Variants in LAMA5 observed in about 807,000 individuals in gnomAD.
The protein encoded by LAMA5 is laminin subunit alpha 5, also known as laminin subunit alpha-5.
A neutral mutation model predicts 433.4 loss-of-function variants in LAMA5; 260 were observed. That is an observed-to-expected ratio of 0.60 (90% CI 0.54 to 0.66). The LOEUF (loss-of-function observed/expected upper bound fraction) is 0.66. Among genes scored for constraint, LAMA5 ranks in the 30% least tolerant of loss-of-function variants. LAMA5 has a pLI of 0.00. For missense variants in LAMA5, 5,378 were observed against 5,258.5 expected (o/e 1.02, Z -0.70); for synonymous variants, 2,620 against 2,226.6 (o/e 1.18, Z -4.97).
At chr20:62,312,841 C>A in intron 66 of LAMA5, 47 bp downstream of exon 66, 1 of 1,601,614 alleles carries the variant, frequency 6.2e-7, no homozygotes, top group South Asian at 1.1e-5. Context: ...CCGCCCCCAT[C>A]GTTCCATCTC....
chr20:62,343,418 A>T (rs575274623), intron 11 of LAMA5, among the ~76,000 whole-genome samples: 6 of 152,298 alleles, frequency 3.9e-5, no homozygotes, highest in African/African-American at 1.4e-4. Flanking sequence ...GACACGGAAA[A>T]AAGCTCCCCC....
rs754916055 is a variant in LAMA5 at position 62,353,263 on chromosome 20, G to A, written c.451-12C>T. 1 of 1,577,372 alleles carries A rather than the reference G, an allele frequency of 6.3e-7. No homozygotes were observed. The highest frequency in any genetic ancestry group is 2.3e-5 in the East Asian group (1 of 43,766). On this transcript the variant is annotated splice_polypyrimidine_tract_variant and intron_variant, in intron 2 of 79. Coordinates refer to ENST00000252999, the MANE Select transcript of LAMA5 (RefSeq NM_005560.6). ...GCCACGTGGAAGACCTGTGGGCCGAGAGGGCGTCAGGGGAGCCAGGGGCGC... is the reference window on the plus strand; with the variant it reads ...GCCACGTGGAAGACCTGTGGGCCGAAAGGGCGTCAGGGGAGCCAGGGGCGC...
intron 35 of LAMA5, 22 bp from the exon 36 acceptor site, chr20:62,328,032 A>G (rs2146167331): frequency 1.2e-6 from 2 of 1,609,932 alleles, no homozygotes; most frequent in Admixed American, 1.7e-5. Flanking sequence ...GCGGGAGCTG[A>G]GCCCCCTCCA....
Position 62,333,964 on chromosome 20 carries a change from C to A in LAMA5, c.2815G>T (p.Ala939Ser), listed in dbSNP as rs528063709. Residue 939 changes from alanine to serine, a missense_variant, in exon 23 of 80, where the codon GCC becomes TCC. Transcript: ENST00000252999. Reference protein sequence around the residue: ...WLVFRYVNRGAMSVSGRVSVR... With the variant: ...WLVFRYVNRGSMSVSGRVSVR... The stretch of plus-strand genomic sequence containing the variant: ...GAGACCCGCCCGCTCACACTCATGG[C>A]CCCCCGGTTGACGTATCGGAAGACG... The A allele has an allele frequency of 3.1e-6, 5 of 1,612,518 alleles. No individual in the cohort carries two copies. The South Asian group carries it at 3.3e-5, about 11-fold the overall frequency.
chr20:62,362,316 G>T, intron 2 of LAMA5, 84 bp downstream of exon 2: 2 of 1,300,940 alleles, frequency 1.5e-6, no homozygotes. Flanking sequence ...TGGAGACCTC[G>T]CCTTCTGGTC....
At chr20:62,361,951 C>T (rs893955880) in intron 2 of LAMA5, among the ~76,000 whole-genome samples, 1 of 152,190 alleles carries the variant, frequency 6.6e-6, no homozygotes, top group Non-Finnish European at 1.5e-5. Flanking sequence ...CCTCAGTGGC[C>T]GCCACCTCGG....
intron 2 of LAMA5, among the ~76,000 whole-genome samples, chr20:62,355,754 CTG>C (rs1260779377): frequency 7.1e-6 from 1 of 141,404 alleles, no homozygotes; most frequent in African/African-American, 3.1e-5. Context: ...CAGCAGCCCC[CTG>C]TGGGCCTGAC....
chr20:62,339,913 G>C (rs921656149), intron 11 of LAMA5, among the ~76,000 whole-genome samples: 2 of 152,194 alleles, frequency 1.3e-5, no homozygotes, highest in Non-Finnish European at 2.9e-5. Context: ...AGACGTCAGC[G>C]TGACCAAGAG....
At position 62,345,820 on chromosome 20, in the gene LAMA5, A is replaced by G; in HGVS notation, c.1475T>C (p.Val492Ala). The G allele has an allele frequency of 1.3e-6, 2 of 1,550,824 alleles. No homozygotes were observed. Among genetic ancestry groups the G allele is most frequent in the Non-Finnish European group, 1.7e-6 (2 of 1,147,008 alleles). Residue 492 changes from valine to alanine, a missense_variant and splice_region_variant, in exon 11 of 80, where the codon GTG (valine) becomes GCG (alanine). Physicochemically the swap from Val to Ala is moderately conservative, Grantham distance 64. Transcript: ENST00000252999. The stretch of plus-strand genomic sequence containing the variant: ...CTGGGGGCCTCAAGGACACTTACTC[A>G]CAATCTGGCCGGCTGGCAGCACCTG... ...REQVLPAGQI[V>A]NCDCSAAGTQ... is the part of the protein sequence containing the mutation.
intron 20 of LAMA5, 128 bp downstream of exon 20, chr20:62,334,893 A>T: frequency 1.2e-6 from 1 of 863,264 alleles, no homozygotes. Flanking sequence ...GCTGGCACCA[A>T]GGGGCAGCCA....
rs984742983 is a variant in LAMA5 at position 62,334,324 on chromosome 20, G to C, written c.2601C>G (p.Tyr867Ter). Residue 867 changes from tyrosine (Y) to a stop codon, truncating the protein, a stop_gained, in exon 22 of 80, where the codon TAC becomes TAG. Coordinates refer to ENST00000252999, the MANE Select transcript of LAMA5 (RefSeq NM_005560.6). LOFTEE classifies it high-confidence loss of function. ...GGCGCAGGTGGTGCAGGTCCGGGAG[G>C]TAGTGGTCCCTCGCAGGCCTGGCCA... ...PTCSEPARDH[Y>*]LPDLHHLRLE... 6.2e-7 allele frequency: 1 copy of C among 1,607,178 alleles called. No individual in the cohort carries two copies. Among genetic ancestry groups the C allele is most frequent in the Non-Finnish European group, 8.5e-7 (1 of 1,177,560 alleles).
rs767340289 is a variant in LAMA5, at chr20:62,333,119, G to A, written c.3253C>T (p.Pro1085Ser). 2.7e-6 allele frequency: 4 copies of A among 1,477,972 alleles called. No homozygotes were observed. Among genetic ancestry groups the A allele is most frequent in the South Asian group, 1.4e-5 (1 of 71,354 alleles). 91.6% of individuals were successfully genotyped at this position (1,477,972 alleles called of 1,614,324 possible). Reference sequence around the variant, plus strand: ...CTGCCCGTGCAGGTGATCAGTGGCGGGTGCGACGGGCTGAGCTGCTCCGTG... The same window carrying A: ...CTGCCCGTGCAGGTGATCAGTGGCGAGTGCGACGGGCTGAGCTGCTCCGTG... ...CPTEQLSPSH[P>S]PLITCTGSDV... Residue 1085 changes from proline to serine, a missense_variant, in exon 26 of 80, where the codon CCG (proline) becomes TCG (serine). Pro to Ser is a moderately conservative substitution (Grantham distance 74). Transcript: ENST00000252999.
intron 6 of LAMA5, among the ~76,000 whole-genome samples, chr20:62,349,778 C>T (rs200489719): frequency 1.0e-3 from 4 of 3,964 alleles, no homozygotes; most frequent in African/African-American, 1.2e-3. Context: ...GGGGTGATGA[C>T]GGTGATGGTG....
At position 62,319,717 on chromosome 20, in the gene LAMA5, C is replaced by T. The variant is rs750444488; in HGVS notation, c.6838G>A (p.Ala2280Thr). Residue 2280 changes from alanine to threonine, a missense_variant, in exon 51 of 80, where the codon GCG becomes ACG. Ala to Thr is a moderately conservative substitution (Grantham distance 58). Transcript: ENST00000252999. The stretch of plus-strand genomic sequence containing the variant: ...GTGCGGTCCACAGCCCGGATGGCCG[C>T]CAACAGCGTCTTCGCATGGCCCAGT... ...ATLGHAKTLLAAIRAVDRTLS... is the reference protein window; with the variant it reads ...ATLGHAKTLLTAIRAVDRTLS... 14 of 1,547,100 alleles carry T rather than the reference C, an allele frequency of 9.0e-6. No individual in the cohort carries two copies. The African/African-American group carries it at 1.5e-4, about 17-fold the overall frequency.
rs2379129 is a variant in LAMA5, at chr20:62,310,086, C to A, written c.10735-5G>T. 675,224 of 1,609,994 alleles carry A rather than the reference C, an allele frequency of 0.42. 146,498 individuals carry two copies. The highest frequency in any genetic ancestry group is 0.52 in the East Asian group (23,233 of 44,822). On this transcript the variant is annotated splice_polypyrimidine_tract_variant and splice_region_variant and intron_variant, in intron 77 of 79. Coordinates refer to ENST00000252999, the MANE Select transcript of LAMA5 (RefSeq NM_005560.6). Reference sequence around the variant, plus strand: ...GTCATCCGCCCGCAGCAGGACCTGGCGGGGTAGGAAGGGAGGGTCAGGCTA... The same window carrying A: ...GTCATCCGCCCGCAGCAGGACCTGGAGGGGTAGGAAGGGAGGGTCAGGCTA...
At position 62,338,306 on chromosome 20, in the gene LAMA5, C is replaced by A; in HGVS notation, c.1682G>T (p.Arg561Met). 6.2e-7 allele frequency: 1 copy of A among 1,605,656 alleles called. No homozygotes were observed. Residue 561 changes from arginine to methionine, a missense_variant, in exon 13 of 80, where the codon AGG (arginine) becomes ATG (methionine). Coordinates refer to ENST00000252999, the MANE Select transcript of LAMA5 (RefSeq NM_005560.6). ...DRCDPDTGQC[R>M]CRVGFEGATC... ...GGCCCCCTCGAAGCCCACTCGGCAC[C>A]TGCACTGGCCTGTGTCAGGGTCACA... is the stretch of plus-strand genomic sequence containing the variant.
In LAMA5 at chr20:62,335,241, C is replaced by A; in HGVS notation, c.2352G>T (p.Leu784=). ...TRCSCDLRGT[L]GGVAECQPGT... is the part of the protein sequence containing the mutation. ...CCGGCTGGCACTCAGCAACTCCACC[C>A]AGTGTGCCCCTGAGGTCGCAGCTGC... is the stretch of plus-strand genomic sequence containing the variant. The change falls in exon 19 of 80, where the codon CTG becomes CTT. Residue 784 remains leucine (L), a synonymous_variant. Coordinates refer to ENST00000252999, the MANE Select transcript of LAMA5 (RefSeq NM_005560.6). 9 of 1,612,656 alleles carry A rather than the reference C, an allele frequency of 5.6e-6. No homozygotes were observed. The highest frequency in any genetic ancestry group is 6.8e-6 in the Non-Finnish European group (8 of 1,179,556).
rs986082712 is a variant in LAMA5, at chr20:62,317,040, G to C, written c.7512-17C>G. The C allele has an allele frequency of 2.0e-6, 3 of 1,515,564 alleles. No homozygotes were observed. The highest frequency in any genetic ancestry group is 4.6e-5 in the East Asian group (2 of 43,624). The allele number at this position is 1,515,564 out of a possible 1,614,324, so 93.9% of individuals were successfully genotyped here. ...AGGATGATGCTGCAGCGGAAGGGAG[G>C]GTCGAAGGAGTGGGTAAGCGCAGAC... On this transcript the variant is annotated splice_polypyrimidine_tract_variant and intron_variant, in intron 55 of 79. Transcript: ENST00000252999.
Position 62,310,309 on chromosome 20 carries a change from G to A in LAMA5, c.10603C>T (p.Leu3535Phe), listed in dbSNP as rs141478116. 616 of 1,601,180 alleles carry A rather than the reference G, an allele frequency of 3.8e-4. 3 individuals are homozygous for A. In the African/African-American group the frequency reaches 7.3e-3, roughly 19 times the overall value. Residue 3535 changes from leucine (L) to phenylalanine (F), a missense_variant and splice_region_variant, in exon 77 of 80, where the codon CTC becomes TTC. By Grantham distance (22) the Leu-to-Phe change is conservative. Transcript: ENST00000252999. The part of the protein sequence containing the change: ...PGSGGVITLD[L>F]PGATLPDVGL... ...ACATCAGGCAGTGTAGCTCCTGGGA[G>A]GTCTGCGGGGAGGGGTTGTGATGGA...
Sources: allele counts gnomAD v4.1 joint callset (sites outside exome capture counted in the v4.1 genomes callset), GRCh38; gene constraint gnomAD v4.1.1; transcripts MANE v1.5; gene names NCBI Gene and HGNC (gene_info 2026-07-23, HGNC 2026-07-21).